The following CFAP97 variants were observed in gnomAD, a reference collection of about 807,000 sequenced individuals.
The protein encoded by CFAP97 is cilia- and flagella-associated protein 97.
In CFAP97, 36 loss-of-function variants were observed where a neutral mutation model predicts 43.1. The observed-to-expected ratio is 0.84, with a 90% CI of 0.64 to 1.10. The LOEUF (loss-of-function observed/expected upper bound fraction) is 1.10. Among genes scored for constraint, CFAP97 ranks in the 50% least tolerant of loss-of-function variants. The pLI is 0.00. For synonymous variants in CFAP97, 228 were observed against 225.7 expected (o/e 1.01, Z -0.09); for missense variants, 657 against 620.3 (o/e 1.06, Z -0.63).
chr4:185,170,227 T>C, intron 3 of CFAP97: 1 of 635,942 alleles, frequency 1.6e-6, no homozygotes, highest in Non-Finnish European at 2.8e-6. Context: ...AAGCCTGTAG[T>C]TCCAGTTACT....
intron 2 of CFAP97, among the ~76,000 whole-genome samples, chr4:185,180,551 C>T (rs1350256180): frequency 1.3e-5 from 2 of 152,066 alleles, no homozygotes; most frequent in Non-Finnish European, 2.9e-5. Context: ...GCATAATGTC[C>T]TCACGGTTCA....
chr4:185,173,180 G>A (rs547112347), intron 3 of CFAP97, among the ~76,000 whole-genome samples: 41 of 151,990 alleles, frequency 2.7e-4, no homozygotes, highest in African/African-American at 8.7e-4. Context: ...TGGCTAACAC[G>A]GTGAAACCCC....
Position 185,190,898 on chromosome 4 carries a change from G to C in CFAP97, c.299C>G (p.Ser100Ter). ...TGTTGTAACATCACACAATTTTTTTGATCTTGAAGAGGCTGGCAATGAGAA... is the reference window on the plus strand; with the variant it reads ...TGTTGTAACATCACACAATTTTTTTCATCTTGAAGAGGCTGGCAATGAGAA... ...SSFSLPASSRSKKLCDVTTGL... is the reference protein window; with the variant it reads ...SSFSLPASSR The change falls in exon 2 of 5, where the codon TCA (serine) becomes TGA (stop). Residue 100 changes from serine (S) to a stop codon, truncating the protein, a stop_gained. Coordinates refer to ENST00000458385, the MANE Select transcript of CFAP97 (RefSeq NM_020827.3). LOFTEE classifies it high-confidence loss of function. 3 of 1,613,096 alleles carry C rather than the reference G, an allele frequency of 1.9e-6. No individual in the cohort carries two copies. The highest frequency in any genetic ancestry group is 1.7e-6 in the Non-Finnish European group (2 of 1,179,528).
chr4:185,197,322 T>C (rs1736599148), intron 1 of CFAP97, among the ~76,000 whole-genome samples: 1 of 152,122 alleles, frequency 6.6e-6, no homozygotes, highest in African/African-American at 2.4e-5. Context: ...CCAGAATTAA[T>C]ATTACACATA....
At position 185,203,959 on chromosome 4, in the gene CFAP97, G is replaced by C. The variant is rs1307379382; in HGVS notation, c.-78C>G. 4 of 151,390 alleles carry C rather than the reference G, an allele frequency of 2.6e-5. No homozygotes were observed. Among genetic ancestry groups the C allele is most frequent in the Non-Finnish European group, 4.4e-5 (3 of 67,794 alleles). 9.4% of individuals were successfully genotyped at this position (151,390 alleles called of 1,614,324 possible). A position where few individuals can be genotyped will look rare whatever the true frequency, so the allele number is the denominator to read the frequency against. On this transcript the variant is annotated 5_prime_UTR_variant, in exon 1 of 5. Transcript: ENST00000458385. Reference sequence around the variant, plus strand: ...CTGGCGCACTCCCGCGGCCCTGAACGGGCTCCCGGCGCCGCGCGCCCGCGC... The same window carrying C: ...CTGGCGCACTCCCGCGGCCCTGAACCGGCTCCCGGCGCCGCGCGCCCGCGC...
chr4:185,206,324 T>TG (rs968743881), upstream of CFAP97, among the ~76,000 whole-genome samples: 1 of 152,196 alleles, frequency 6.6e-6, no homozygotes, highest in African/African-American at 2.4e-5. Context: ...GCCCATGACT[T>TG]GTGCGCCTCT....
At chr4:185,165,640 C>T (rs141764375) in intron 3 of CFAP97, among the ~76,000 whole-genome samples, 4 of 152,348 alleles carry the variant, frequency 2.6e-5, no homozygotes, top group African/African-American at 9.6e-5. Flanking sequence ...AAAAATCAGA[C>T]TCATGAATTC....
intron 2 of CFAP97, among the ~76,000 whole-genome samples, chr4:185,183,497 C>T (rs1394670084): frequency 6.6e-6 from 1 of 152,190 alleles, no homozygotes; most frequent in African/African-American, 2.4e-5. Context: ...GAGATGAATG[C>T]AGAAAAGGCA....
intron 1 of CFAP97, among the ~76,000 whole-genome samples, chr4:185,193,631 AAT>A (rs1452647697): frequency 2.0e-5 from 3 of 152,226 alleles, no homozygotes; most frequent in African/African-American, 4.8e-5. Flanking sequence ...CCCAGACGAC[AAT>A]ATGAGACTGT....
intron 1 of CFAP97, among the ~76,000 whole-genome samples, chr4:185,194,041 T>C (rs2111402727): frequency 6.6e-6 from 1 of 152,270 alleles, no homozygotes; most frequent in East Asian, 1.9e-4. Flanking sequence ...CTGCCATCTG[T>C]TTTTGTAAAT....
chr4:185,204,079 C>T (rs1396783287), upstream of CFAP97: 1 of 150,952 alleles, frequency 6.6e-6, no homozygotes, highest in East Asian at 2.0e-4. Flanking sequence ...CTCGTGCGGC[C>T]CTCGCGGCGG....
chr4:185,172,381 A>C (rs1735336683), intron 3 of CFAP97, among the ~76,000 whole-genome samples: 1 of 152,226 alleles, frequency 6.6e-6, no homozygotes, highest in African/African-American at 2.4e-5. Context: ...AGAGCACAGA[A>C]GTCAGTTTTA....
intron 3 of CFAP97, chr4:185,170,320 T>C: frequency 1.6e-6 from 1 of 618,914 alleles, no homozygotes. Flanking sequence ...CACTCCAGCC[T>C]GGGTGACAGA....
intron 1 of CFAP97, among the ~76,000 whole-genome samples, chr4:185,203,402 T>C (rs768402017): frequency 3.9e-5 from 6 of 152,288 alleles, no homozygotes; most frequent in Non-Finnish European, 7.4e-5. Flanking sequence ...TTTCTGTAGT[T>C]AAACAGCACA....
At chr4:185,208,100 C>A (rs967649026), upstream of CFAP97, among the ~76,000 whole-genome samples, 6 of 152,040 alleles carry the variant, frequency 3.9e-5, no homozygotes, top group Admixed American at 6.5e-5. Context: ...ATTAATCATA[C>A]TGCTTTATTT....
At chr4:185,185,633 C>CTT (rs376786641) in intron 2 of CFAP97, among the ~76,000 whole-genome samples, 1,245 of 105,896 alleles carry the variant, frequency 0.012, 22 homozygotes, top group Middle Eastern at 0.017. Context: ...ATTTGCCAAC[C>CTT]TTTTTTTTTT....
At chr4:185,183,528 T>C (rs1001327815) in intron 2 of CFAP97, among the ~76,000 whole-genome samples, 3 of 152,258 alleles carry the variant, frequency 2.0e-5, no homozygotes, top group African/African-American at 4.8e-5. Context: ...TCTGCATTCA[T>C]ATCCACCTAC....
intron 3 of CFAP97, among the ~76,000 whole-genome samples, chr4:185,173,362 TAAA>T (rs11345517): frequency 1.5e-4 from 19 of 127,632 alleles, no homozygotes; most frequent in Admixed American, 2.5e-4. Flanking sequence ...CTCCGTCTCT[TAAA>T]AAAAAAAAAA....
Position 185,190,138 on chromosome 4 carries a change from A to G in CFAP97, c.1054+5T>C. On this transcript the variant is annotated splice_donor_5th_base_variant and intron_variant, in intron 2 of 4. Transcript: ENST00000458385. The stretch of plus-strand genomic sequence containing the variant: ...CACACATTTTTAAGAAGAAAAGAAA[A>G]TTACCTTTCAAGAGATGATTCAGAT... The G allele has an allele frequency of 6.5e-7, 1 of 1,536,966 alleles. No homozygotes were observed.
Sources: gnomAD v4.1 joint callset for allele counts (sites outside exome capture counted in the v4.1 genomes callset) on GRCh38, gnomAD v4.1.1 for gene constraint, MANE v1.5 for transcripts, NCBI Gene and HGNC (gene_info 2026-07-23, HGNC 2026-07-21) for gene names.